The following DVL2 variants were observed in gnomAD, a reference collection of about 807,000 sequenced individuals.
The protein encoded by DVL2 is dishevelled segment polarity protein 2.
DVL2 carries 38 observed loss-of-function variants against 69.8 expected under a neutral mutation model. The observed-to-expected ratio is 0.54, with a 90% CI of 0.42 to 0.71. The LOEUF (loss-of-function observed/expected upper bound fraction) is 0.71, where lower values mean the gene tolerates loss of function less well. Among genes scored for constraint, DVL2 ranks in the 30% least tolerant of loss-of-function variants. The pLI, the probability that DVL2 is intolerant of heterozygous loss-of-function variation, is 0.00. For missense variants in DVL2, 931 were observed against 1,008.1 expected (o/e 0.92, Z 1.04); for synonymous variants, 428 against 392.4 (o/e 1.09, Z -1.07).
chr17:7,226,760 G>C (rs1157194143), intron 13 of DVL2, 121 bp from the exon 14 acceptor site: 1 of 801,856 alleles, frequency 1.2e-6, no homozygotes, highest in African/African-American at 1.7e-5. Context: ...GCTCAAAACA[G>C]GGGTTCACAA....
Position 7,226,275 on chromosome 17 carries a change from C to T in DVL2, c.1801G>A (p.Ala601Thr), listed in dbSNP as rs370880170. Residue 601 changes from alanine (A) to threonine (T), a missense_variant, in exon 15 of 15, where the codon GCA becomes ACA. Ala to Thr is a moderately conservative substitution (Grantham distance 58, BLOSUM62 0). Coordinates refer to ENST00000005340, the MANE Select transcript of DVL2 (RefSeq NM_004422.3). Reference sequence around the variant, plus strand: ...TCCTCGGGCCTCCCCGTGCGCCCTGCCCCCCCATCACTCCGTGTCGACCCA... The same window carrying T: ...TCCTCGGGCCTCCCCGTGCGCCCTGTCCCCCCATCACTCCGTGTCGACCCA... The part of the protein sequence containing the change: ...SSGSTRSDGG[A>T]GRTGRPEERA... The T allele has an allele frequency of 3.1e-6, 5 of 1,593,998 alleles. No homozygotes were observed. Among genetic ancestry groups the T allele is most frequent in the African/African-American group, 2.7e-5 (2 of 74,376 alleles).
At position 7,234,161 on chromosome 17, in the gene DVL2, G is replaced by A. The variant is rs2071596876; in HGVS notation, c.102C>T (p.Pro34=). 1 of 1,614,172 alleles carries A rather than the reference G, an allele frequency of 6.2e-7. No individual in the cohort carries two copies. The highest frequency in any genetic ancestry group is 1.3e-5 in the African/African-American group (1 of 75,032). The change falls in exon 1 of 15, where the codon CCC becomes CCT. Residue 34 remains proline (P), a synonymous_variant. Coordinates refer to ENST00000005340, the MANE Select transcript of DVL2 (RefSeq NM_004422.3). The part of the protein sequence containing the change: ...ETPYLVKIPV[P]AERITLGDFK... ...AATCGCCGAGGGTGATGCGCTCGGC[G>A]GGGACAGGGATCTTCACCAGGTAGG...
In DVL2 at chr17:7,234,170, G is replaced by C. The variant is rs749308726; in HGVS notation, c.93C>G (p.Ile31Met). 1.2e-6 allele frequency: 2 copies of C among 1,614,126 alleles called. No homozygotes were observed. The highest frequency in any genetic ancestry group is 1.6e-4 in the Middle Eastern group (1 of 6,062). ...DEEETPYLVK[I>M]PVPAERITLG... ...GGGTGATGCGCTCGGCGGGGACAGG[G>C]ATCTTCACCAGGTAGGGAGTCTCTT... is the stretch of plus-strand genomic sequence containing the variant. The change falls in exon 1 of 15, where the codon ATC (isoleucine) becomes ATG (methionine). Residue 31 changes from isoleucine to methionine, a missense_variant. By Grantham distance (10) the Ile-to-Met change is conservative. Transcript: ENST00000005340.
Position 7,225,497 on chromosome 17 carries a change from A to C in DVL2, c.*368T>G, listed in dbSNP as rs1177630637. ...ACCGCTGACCACCCCCAACCCTGCA[A>C]AGGGCAGGGCTGTGGGTAACTGGAG... On this transcript the variant is annotated 3_prime_UTR_variant, in exon 15 of 15. Transcript: ENST00000005340. 3 of 416,152 alleles carry C rather than the reference A, an allele frequency of 7.2e-6. No homozygotes were observed. The highest frequency in any genetic ancestry group is 5.3e-5 in the East Asian group (1 of 18,768). The allele number at this position is 416,152 out of a possible 1,614,324, so 25.8% of individuals were successfully genotyped here. A position where few individuals can be genotyped will look rare whatever the true frequency, so the allele number is the denominator to read the frequency against.
In DVL2 at chr17:7,225,636, C is replaced by A; in HGVS notation, c.*229G>T. 1 of 558,768 alleles carries A rather than the reference C, an allele frequency of 1.8e-6. No individual in the cohort carries two copies. Among genetic ancestry groups the A allele is most frequent in the South Asian group, 2.3e-5 (1 of 43,690 alleles). The allele number at this position is 558,768 out of a possible 1,614,324, so 34.6% of individuals were successfully genotyped here. A position where few individuals can be genotyped will look rare whatever the true frequency, so the allele number is the denominator to read the frequency against. ...AATGTAAGAAACTCTATTTTAACCC[C>A]CAAAAAGGCTTATAAAAAAACAAAG... On this transcript the variant is annotated 3_prime_UTR_variant, in exon 15 of 15. Coordinates refer to ENST00000005340, the MANE Select transcript of DVL2 (RefSeq NM_004422.3).
Position 7,228,604 on chromosome 17 carries a change from G to A in DVL2, c.1034+365C>T, listed in dbSNP as rs570338839. Reference sequence around the variant, plus strand: ...TAGCACTTTTTTTTTTTTTTGAGACGGAGTCTTGCTCTGTCGCCCAGGCTG... The same window carrying A: ...TAGCACTTTTTTTTTTTTTTGAGACAGAGTCTTGCTCTGTCGCCCAGGCTG... On this transcript the variant is annotated intron_variant, in intron 9 of 14. Transcript: ENST00000005340. 40 of 196,036 alleles carry A rather than the reference G, an allele frequency of 2.0e-4. No homozygotes were observed. The South Asian group carries it at 2.1e-3, about 10-fold the overall frequency. The allele number at this position is 196,036 out of a possible 1,614,324, so 12.1% of individuals were successfully genotyped here. A position where few individuals can be genotyped will look rare whatever the true frequency, so the allele number is the denominator to read the frequency against.
Position 7,226,034 on chromosome 17 carries a change from A to G in DVL2, c.2042T>C (p.Met681Thr), listed in dbSNP as rs1259955103. The change falls in exon 15 of 15, where the codon ATG becomes ACG. Residue 681 changes from methionine to threonine, a missense_variant. Met to Thr is a moderately conservative substitution (Grantham distance 81). Transcript: ENST00000005340. ...PGMALPYNPM[M>T]VVMMPPPPPP... is the part of the protein sequence containing the mutation. The stretch of plus-strand genomic sequence containing the variant: ...TGGAGGTGGGGGCATCATGACCACC[A>G]TCATGGGGTTGTAGGGGAGGGCCAT... 7 of 1,611,688 alleles carry G rather than the reference A, an allele frequency of 4.3e-6. No homozygotes were observed. The highest frequency in any genetic ancestry group is 5.9e-6 in the Non-Finnish European group (7 of 1,178,936).
rs1431749829 is a variant in DVL2, at chr17:7,225,998, G to C, written c.2078C>G (p.Pro693Arg). The change falls in exon 15 of 15, where the codon CCT becomes CGT. Residue 693 changes from proline to arginine, a missense_variant. Coordinates refer to ENST00000005340, the MANE Select transcript of DVL2 (RefSeq NM_004422.3). ...GGCCCCCGGAGGCTGCACTGCTGGA[G>C]GGACTGGAGGTGGAGGTGGGGGCAT... ...VMMPPPPPPVPPAVQPPGAPP... is the reference protein window; with the variant it reads ...VMMPPPPPPVRPAVQPPGAPP... 1.9e-6 allele frequency: 3 copies of C among 1,613,522 alleles called. No homozygotes were observed. Among genetic ancestry groups the C allele is most frequent in the Non-Finnish European group, 2.5e-6 (3 of 1,179,848 alleles).
chr17:7,227,160 G>T lies in DVL2; in HGVS notation c.1473C>A (p.Thr491=). Residue 491 remains threonine (T), a synonymous_variant, in exon 13 of 15, where the codon ACC becomes ACA. Transcript: ENST00000005340. ...GCTCAGAGAAGGTGATCTTGTTGAC[G>T]GTGTGTCGGATCAGGCCTGCTTTGA... ...GLLKAGLIRH[T]VNKITFSEQC... is the part of the protein sequence containing the mutation. 1.2e-6 allele frequency: 2 copies of T among 1,614,160 alleles called. No individual in the cohort carries two copies. The highest frequency in any genetic ancestry group is 1.6e-4 in the Middle Eastern group (1 of 6,062).
At position 7,229,082 on chromosome 17, in the gene DVL2, G is replaced by A. The variant is rs201569488; in HGVS notation, c.958-37C>T. Reference sequence around the variant, plus strand: ...GGCAAGTGGGTCAGAGACACGGTGGGAGAGGCTGAGGGCCCCCGTGCAGGG... The same window carrying A: ...GGCAAGTGGGTCAGAGACACGGTGGAAGAGGCTGAGGGCCCCCGTGCAGGG... On this transcript the variant is annotated intron_variant, in intron 8 of 14. Transcript: ENST00000005340. The surrounding 1 kb of genome is among the most constrained non-coding windows in gnomAD (Gnocchi z 4.4). 1 of 1,614,098 alleles carries A rather than the reference G, an allele frequency of 6.2e-7. No individual in the cohort carries two copies. The highest frequency in any genetic ancestry group is 2.2e-5 in the East Asian group (1 of 44,878).
In DVL2 at chr17:7,226,133, G is replaced by A. The variant is rs374515938; in HGVS notation, c.1943C>T (p.Ser648Phe). 2.6e-4 allele frequency: 413 copies of A among 1,605,104 alleles called. No homozygotes were observed. The highest frequency in any genetic ancestry group is 3.4e-4 in the Non-Finnish European group (397 of 1,175,580). The change falls in exon 15 of 15, where the codon TCC becomes TTC. Residue 648 changes from serine (S) to phenylalanine (F), a missense_variant. Coordinates refer to ENST00000005340, the MANE Select transcript of DVL2 (RefSeq NM_004422.3). ...SGTSDGGPPPSRGSTGGAPNL... is the reference protein window; with the variant it reads ...SGTSDGGPPPFRGSTGGAPNL... ...AGGGGCACCCCCAGTTGAGCCTCTG[G>A]ATGGAGGAGGGCCCCCATCGCTAGT...
chr17:7,231,400 T>C (rs1452799148), intron 1 of DVL2, among the ~76,000 whole-genome samples: 1 of 149,836 alleles, frequency 6.7e-6, no homozygotes, highest in East Asian at 2.0e-4. Context: ...GAGACAGTGG[T>C]TGCAGTAAGT....
Position 7,226,092 on chromosome 17 carries a change from G to C in DVL2, c.1984C>G (p.Pro662Ala). ...GGCGGTCCATAGGGATGGAGCCCTG[G>C]GTGGGCTCGGAGATTAGGGGCACCC... ...TGGAPNLRAH[P>A]GLHPYGPPPG... is the part of the protein sequence containing the mutation. The change falls in exon 15 of 15, where the codon CCA becomes GCA. Residue 662 changes from proline to alanine, a missense_variant. Physicochemically the swap from Pro to Ala is conservative, Grantham distance 27 (BLOSUM62 -1). Around this residue, in one of 3 missense-constraint regions of DVL2, gnomAD observed 314 missense variants for 313.7 expected, o/e 1.00. Coordinates refer to ENST00000005340, the MANE Select transcript of DVL2 (RefSeq NM_004422.3). 6.3e-7 allele frequency: 1 copy of C among 1,593,660 alleles called. No individual in the cohort carries two copies. The highest frequency in any genetic ancestry group is 8.6e-7 in the Non-Finnish European group (1 of 1,168,604).
At chr17:7,232,619 A>C (rs141137544) in intron 1 of DVL2, among the ~76,000 whole-genome samples, 2 of 152,248 alleles carry the variant, frequency 1.3e-5, no homozygotes, top group South Asian at 4.1e-4. Flanking sequence ...CACAAAATTT[A>C]AATAAATTGT....
At chr17:7,230,650 G>A in intron 2 of DVL2, 78 bp downstream of exon 2, 1 of 1,472,070 alleles carries the variant, frequency 6.8e-7, no homozygotes, top group Middle Eastern at 1.9e-4. Context: ...GGCCTGGGGA[G>A]GATACAGAAA....
chr17:7,229,750 A>G lies in DVL2; in HGVS notation c.656+58T>C. ...TGGGGCCAAGAGAAAGAACAAGAGG[A>G]TTGACTGGAAGACGAGACGGGGCTG... On this transcript the variant is annotated intron_variant, in intron 5 of 14. Coordinates refer to ENST00000005340, the MANE Select transcript of DVL2 (RefSeq NM_004422.3). The surrounding 1 kb of genome is among the most constrained non-coding windows in gnomAD (Gnocchi z 4.4). 2 of 1,589,176 alleles carry G rather than the reference A, an allele frequency of 1.3e-6. No individual in the cohort carries two copies. The highest frequency in any genetic ancestry group is 1.7e-6 in the Non-Finnish European group (2 of 1,163,596).
At position 7,226,236 on chromosome 17, in the gene DVL2, A is replaced by G; in HGVS notation, c.1840T>C (p.Ser614Pro). 1.2e-6 allele frequency: 2 copies of G among 1,611,384 alleles called. No homozygotes were observed. The highest frequency in any genetic ancestry group is 4.5e-5 in the East Asian group (2 of 44,806). Residue 614 changes from serine (S) to proline (P), a missense_variant, in exon 15 of 15, where the codon TCC becomes CCC. By Grantham distance (74) the Ser-to-Pro change is moderately conservative. Around this residue, in one of 3 missense-constraint regions of DVL2, gnomAD observed 314 missense variants for 313.7 expected, o/e 1.00. Coordinates refer to ENST00000005340, the MANE Select transcript of DVL2 (RefSeq NM_004422.3). The stretch of plus-strand genomic sequence containing the variant: ...GACTCACTGCCACTGCCGGACTTGG[A>G]CTCGGGGGCCCGCTCCTCGGGCCTC... ...TGRPEERAPE[S>P]KSGSGSESEP...
chr17:7,231,484 T>C (rs2071542831), intron 1 of DVL2, among the ~76,000 whole-genome samples: 2 of 149,742 alleles, frequency 1.3e-5, no homozygotes, highest in Non-Finnish European at 3.0e-5. Context: ...AAAAAGGCTT[T>C]GGTCCTCATC....
In DVL2 at chr17:7,225,614, G is replaced by C; in HGVS notation, c.*251C>G. 1 of 538,098 alleles carries C rather than the reference G, an allele frequency of 1.9e-6. No individual in the cohort carries two copies. The highest frequency in any genetic ancestry group is 3.3e-5 in the East Asian group (1 of 30,460). 33.3% of individuals were successfully genotyped at this position (538,098 alleles called of 1,614,324 possible). On this transcript the variant is annotated 3_prime_UTR_variant, in exon 15 of 15. Coordinates refer to ENST00000005340, the MANE Select transcript of DVL2 (RefSeq NM_004422.3). ...TGCCTATTAAAAAAGTCCCAAAAAT[G>C]TAAGAAACTCTATTTTAACCCCCAA...
Sources: gnomAD v4.1 joint callset for allele counts (sites outside exome capture counted in the v4.1 genomes callset) on GRCh38, gnomAD v4.1.1 for gene constraint, gnomAD v4.1.1 regional missense constraint, Gnocchi (gnomAD v3.1) non-coding constraint, MANE v1.5 for transcripts, NCBI Gene and HGNC (gene_info 2026-07-23, HGNC 2026-07-21) for gene names.